The following IL12RB1 variants were observed in gnomAD, a reference collection of about 807,000 sequenced individuals.
IL12RB1 encodes the protein interleukin-12 receptor subunit beta-1.
A neutral mutation model predicts 94.4 loss-of-function variants in IL12RB1; 64 were observed. The ratio of observed to expected loss-of-function variants is 0.68; its 90% confidence interval spans 0.55 to 0.83. The LOEUF (loss-of-function observed/expected upper bound fraction) is 0.83. Ranked by LOEUF, IL12RB1 falls within the 40% of genes least tolerant of loss-of-function variation. The pLI is 0.00. For missense variants in IL12RB1, 814 were observed against 855.6 expected, an observed-to-expected ratio of 0.95 and a Z score of 0.61; for synonymous variants, 362 against 355.5, an observed-to-expected ratio of 1.02 and a Z score of -0.21.
At position 18,086,791 on chromosome 19, in the gene IL12RB1, G is replaced by A. The variant is rs369888169; in HGVS notation, c.33C>T (p.Leu11=). Residue 11 remains leucine (L), a synonymous_variant, in exon 1 of 17, where the codon CTC becomes CTT. Transcript: ENST00000593993. ...GCCTGGACAGCAGGAAGAGGAAGAG[G>A]AGGGGGACCACCCAGGTCACCAGCG... is the stretch of plus-strand genomic sequence containing the variant. MEPLVTWVVP[L]LFLFLLSRQG... 1 of 1,612,052 alleles carries A rather than the reference G, an allele frequency of 6.2e-7. No individual in the cohort carries two copies. The highest frequency in any genetic ancestry group is 8.5e-7 in the Non-Finnish European group (1 of 1,179,554).
At chr19:18,090,382 CAGAGG>C (rs1394144843), upstream of IL12RB1, among the ~76,000 whole-genome samples, 1 of 152,134 alleles carries the variant, frequency 6.6e-6, no homozygotes, top group Non-Finnish European at 1.5e-5. Context: ...AGGTAGAGAT[CAGAGG>C]AAAGTCATGG....
At position 18,063,797 on chromosome 19, in the gene IL12RB1, C is replaced by T. The variant is rs950111554; in HGVS notation, c.1618+79G>A. ...GCCATAGAGGGAGTGAGAGTGAGGG[C>T]AGGGCTGCTAAGATCATTGTGGGAA... On this transcript the variant is annotated intron_variant, in intron 13 of 16. Coordinates refer to ENST00000593993, the MANE Select transcript of IL12RB1 (RefSeq NM_005535.3). 11 of 1,335,002 alleles carry T rather than the reference C, an allele frequency of 8.2e-6. No homozygotes were observed. In the East Asian group the frequency reaches 1.5e-4, roughly 18 times the overall value. The allele number at this position is 1,335,002 out of a possible 1,614,324, so 82.7% of individuals were successfully genotyped here. A position where few individuals can be genotyped will look rare whatever the true frequency, so the allele number is the denominator to read the frequency against.
chr19:18,067,638 C>CATG (rs2034688924), intron 11 of IL12RB1, among the ~76,000 whole-genome samples: 1 of 152,074 alleles, frequency 6.6e-6, no homozygotes, highest in Non-Finnish European at 1.5e-5. Context: ...CCTGTCTCTA[C>CATG]TAAAGATACA....
chr19:18,068,491 C>G lies in IL12RB1; in HGVS notation c.1225G>C (p.Gly409Arg). ...GTAATGTAGTAACACTTTTCCTGCC[C>G]CATTGCCCCAGACTCTCGACTCCAG... ...YSWSRESGAM[G>R]QEKCYYITIF... Residue 409 changes from glycine to arginine, a missense_variant, in exon 11 of 17, where the codon GGG becomes CGG. Coordinates refer to ENST00000593993, the MANE Select transcript of IL12RB1 (RefSeq NM_005535.3). 1 of 1,612,164 alleles carries G rather than the reference C, an allele frequency of 6.2e-7. No homozygotes were observed. Among genetic ancestry groups the G allele is most frequent in the Non-Finnish European group, 8.5e-7 (1 of 1,178,494 alleles).
chr19:18,093,031 A>G (rs433821), intron 1 of IL12RB1, among the ~76,000 whole-genome samples: 37,245 of 151,846 alleles, frequency 0.25, 4,672 homozygotes, highest in African/African-American at 0.3. Context: ...TAGGCCGGGC[A>G]CAGTGGCTCA....
At chr19:18,061,080 G>T in intron 15 of IL12RB1, 42 bp downstream of exon 15, 2 of 1,027,154 alleles carry the variant, frequency 1.9e-6, no homozygotes, top group Non-Finnish European at 3.0e-6. Flanking sequence ...TCCAGCATGT[G>T]CACCCAATAA....
Position 18,062,175 on chromosome 19 carries a change from A to G in IL12RB1, c.1715+6T>C. The G allele has an allele frequency of 6.3e-7, 1 of 1,576,588 alleles. No individual in the cohort carries two copies. On this transcript the variant is annotated splice_donor_region_variant and intron_variant, in intron 14 of 16. Coordinates refer to ENST00000593993, the MANE Select transcript of IL12RB1 (RefSeq NM_005535.3). ...CGCTATGGTAACGGTAAGAGGTGTC[A>G]GTTACCTGTTCAGGCCAAGGTAGCC...
chr19:18,080,805 C>A, intron 4 of IL12RB1, 27 bp downstream of exon 4: 1 of 1,543,604 alleles, frequency 6.5e-7, no homozygotes, highest in Non-Finnish European at 9.0e-7. Flanking sequence ...GGGTAAAAAA[C>A]GGACGGGGGG....
intron 4 of IL12RB1, among the ~76,000 whole-genome samples, chr19:18,079,134 C>G (rs181606928): frequency 9.6e-4 from 140 of 145,754 alleles, no homozygotes; most frequent in African/African-American, 3.5e-3. Flanking sequence ...GATGGAGTCT[C>G]GCTCTGTCAC....
chr19:18,073,890 TC>T (rs1305941167), intron 7 of IL12RB1, among the ~76,000 whole-genome samples: 5 of 152,256 alleles, frequency 3.3e-5, no homozygotes, highest in African/African-American at 1.2e-4. Flanking sequence ...ACTGGTGCGA[TC>T]TCGGCTCACT....
In IL12RB1 at chr19:18,083,201, G is replaced by GC. The variant is rs1366847756; in HGVS notation, c.124+230dup. On this transcript the variant is annotated intron_variant, in intron 2 of 16. Coordinates refer to ENST00000593993, the MANE Select transcript of IL12RB1 (RefSeq NM_005535.3). ...CCAATCTGAACGGACACAGACACCA[G>GC]CCCTGAGACCATGCTAGGGAAGTGA... is the stretch of plus-strand genomic sequence containing the variant. 3 of 627,166 alleles carry GC rather than the reference G, an allele frequency of 4.8e-6. No homozygotes were observed. In the East Asian group the frequency reaches 8.3e-5, roughly 17 times the overall value. 38.9% of individuals were successfully genotyped at this position (627,166 alleles called of 1,614,324 possible).
In IL12RB1 at chr19:18,059,574, G is replaced by A. The variant is rs3746190; in HGVS notation, c.*34C>T. The A allele has an allele frequency of 0.33, 254,356 of 778,530 alleles. 45,881 individuals carry two copies. The highest frequency in any genetic ancestry group is 0.39 in the Non-Finnish European group (161,189 of 416,806). The allele number at this position is 778,530 out of a possible 1,614,324, so 48.2% of individuals were successfully genotyped here. On this transcript the variant is annotated 3_prime_UTR_variant, in exon 17 of 17. Transcript: ENST00000593993. The stretch of plus-strand genomic sequence containing the variant: ...ACTCCTGTGTGTGCTACGTAGCCTC[G>A]GGCGAGTCACTCACCCTCTCTGAGC...
intron 9 of IL12RB1, among the ~76,000 whole-genome samples, chr19:18,070,036 C>T (rs576932750): frequency 3.9e-5 from 6 of 152,296 alleles, no homozygotes; most frequent in Non-Finnish European, 8.8e-5. Context: ...CTGCCTCAGC[C>T]TCCTGAGTAG....
intron 1 of IL12RB1, among the ~76,000 whole-genome samples, chr19:18,093,850 A>G (rs1382560090): frequency 6.6e-6 from 1 of 152,030 alleles, no homozygotes; most frequent in Non-Finnish European, 1.5e-5. Flanking sequence ...CTGCCAGATA[A>G]AACACACGAC....
At chr19:18,084,577 C>A (rs1275337967) in intron 1 of IL12RB1, among the ~76,000 whole-genome samples, 5 of 151,914 alleles carry the variant, frequency 3.3e-5, no homozygotes, top group African/African-American at 1.2e-4. Context: ...AGTCACCAAT[C>A]TATCCATCTA....
chr19:18,081,803 G>A (rs527680028), intron 3 of IL12RB1, among the ~76,000 whole-genome samples: 208 of 151,868 alleles, frequency 1.4e-3, no homozygotes, highest in African/African-American at 3.5e-3. Flanking sequence ...CTGGGCAACA[G>A]AGCAAGACTC....
intron 1 of IL12RB1, among the ~76,000 whole-genome samples, chr19:18,096,030 C>A (rs369272768): frequency 9.9e-5 from 15 of 151,986 alleles, no homozygotes; most frequent in Admixed American, 9.8e-4. Context: ...TCGAGACCAG[C>A]GCGGGAAACA....
At chr19:18,072,775 G>A (rs1438877842) in intron 8 of IL12RB1, among the ~76,000 whole-genome samples, 2 of 151,826 alleles carry the variant, frequency 1.3e-5, no homozygotes, top group African/African-American at 4.8e-5. Flanking sequence ...GTGAAACCCC[G>A]TCTCTACTAA....
chr19:18,060,718 C>T (rs1018965881), intron 15 of IL12RB1, among the ~76,000 whole-genome samples: 1 of 152,094 alleles, frequency 6.6e-6, no homozygotes, highest in Non-Finnish European at 1.5e-5. Flanking sequence ...GGCATGTGAC[C>T]CAAGCTGGAC....
Sources: allele counts gnomAD v4.1 joint callset (sites outside exome capture counted in the v4.1 genomes callset), GRCh38; gene constraint gnomAD v4.1.1; transcripts MANE v1.5; gene names NCBI Gene and HGNC (gene_info 2026-07-23, HGNC 2026-07-21).